The following SLC35F2 variants were observed in gnomAD, a reference collection of about 807,000 sequenced individuals.
SLC35F2 encodes queuine/queuosine transporter SLC35F2.
Under a neutral mutation model 38.1 loss-of-function variants are expected in SLC35F2, and 25 were observed. The ratio of observed to expected loss-of-function variants is 0.66; its 90% CI spans 0.48 to 0.92. The LOEUF (loss-of-function observed/expected upper bound fraction) is 0.92, where lower values mean the gene tolerates loss of function less well. Among genes scored for constraint, SLC35F2 ranks in the 40% least tolerant of loss-of-function variants. The pLI is 0.00. For missense variants in SLC35F2, 409 were observed against 452.9 expected (o/e 0.90, Z 0.88); for synonymous variants, 173 against 181.7 (o/e 0.95, Z 0.38).
intron 1 of SLC35F2, among the ~76,000 whole-genome samples, chr11:107,818,169 C>T (rs551948595): frequency 3.4e-4 from 51 of 151,956 alleles, no homozygotes; most frequent in African/African-American, 1.1e-3. Context: ...TAGTGGCTCA[C>T]GCCTGTAATC....
chr11:107,795,475 T>C (rs562805331), intron 7 of SLC35F2, among the ~76,000 whole-genome samples: 33 of 152,304 alleles, frequency 2.2e-4, no homozygotes, highest in African/African-American at 7.0e-4. Context: ...AATGGGACTA[T>C]ATTAAACTAA....
chr11:107,799,253 A>T (rs1282424910), intron 7 of SLC35F2, among the ~76,000 whole-genome samples: 1 of 152,222 alleles, frequency 6.6e-6, no homozygotes. Flanking sequence ...ACATTCAGGG[A>T]CAAAGGAACA....
chr11:107,795,348 C>A (rs1411646819), intron 7 of SLC35F2, among the ~76,000 whole-genome samples: 1 of 152,038 alleles, frequency 6.6e-6, no homozygotes, highest in Non-Finnish European at 1.5e-5. Context: ...AAATATAAGA[C>A]CCAAAACTAT....
chr11:107,819,918 G>A (rs982616868), intron 1 of SLC35F2, among the ~76,000 whole-genome samples: 4 of 152,100 alleles, frequency 2.6e-5, no homozygotes, highest in Non-Finnish European at 5.9e-5. Flanking sequence ...CATACTGTCC[G>A]TAAAAGGCAG....
Position 107,791,398 on chromosome 11 carries a change from C to G in SLC35F2, c.*1217G>C, listed in dbSNP as rs1397284956. 1.3e-5 allele frequency: 2 copies of G among 152,038 alleles called. No homozygotes were observed. Among genetic ancestry groups the G allele is most frequent in the East Asian group, 3.9e-4 (2 of 5,190 alleles). 9.4% of individuals were successfully genotyped at this position (152,038 alleles called of 1,614,324 possible). On this transcript the variant is annotated 3_prime_UTR_variant, in exon 8 of 8. Transcript: ENST00000525815. ...ATAAAATGAGATCAATAGGAATATTCCAGGAGGTCGTGAGAAGTTTTTAGA... is the reference window on the plus strand; with the variant it reads ...ATAAAATGAGATCAATAGGAATATTGCAGGAGGTCGTGAGAAGTTTTTAGA...
intron 7 of SLC35F2, among the ~76,000 whole-genome samples, chr11:107,801,892 T>G (rs1859315603): frequency 1.3e-5 from 2 of 152,152 alleles, no homozygotes; most frequent in Admixed American, 1.3e-4. Flanking sequence ...TGACTAAGGG[T>G]AAGTCACTGA....
At chr11:107,808,878 A>G (rs1859437968) in intron 3 of SLC35F2, among the ~76,000 whole-genome samples, 1 of 152,246 alleles carries the variant, frequency 6.6e-6, no homozygotes, top group Non-Finnish European at 1.5e-5. Flanking sequence ...AAAAAGTAGA[A>G]AAAGACATTC....
intron 1 of SLC35F2, among the ~76,000 whole-genome samples, chr11:107,820,996 C>T (rs1231220730): frequency 1.3e-5 from 2 of 152,062 alleles, no homozygotes; most frequent in African/African-American, 4.8e-5. Flanking sequence ...ATCCCTGTAC[C>T]TCGCCTTGCT....
rs559080873 is a variant in SLC35F2, at chr11:107,791,233, A to T, written c.*1382T>A. ...TTTTAACAGCTGGAGGCTCCCAGGC[A>T]TACTCTTTGGTGAGAAATGATTAAT... On this transcript the variant is annotated 3_prime_UTR_variant, in exon 8 of 8. Coordinates refer to ENST00000525815, the MANE Select transcript of SLC35F2 (RefSeq NM_017515.5). The T allele has an allele frequency of 1.3e-5, 2 of 152,756 alleles. No individual in the cohort carries two copies. Among genetic ancestry groups the T allele is most frequent in the South Asian group, 4.1e-4 (2 of 4,826 alleles). The allele number at this position is 152,756 out of a possible 1,614,324, so 9.5% of individuals were successfully genotyped here.
At chr11:107,848,703 ATT>A (rs1229824641) in intron 1 of SLC35F2, among the ~76,000 whole-genome samples, 1 of 152,182 alleles carries the variant, frequency 6.6e-6, no homozygotes, top group Non-Finnish European at 1.5e-5. Context: ...GTACAGTATT[ATT>A]GTTATTAATC....
At chr11:107,833,754 T>C (rs1859887771) in intron 1 of SLC35F2, among the ~76,000 whole-genome samples, 1 of 152,158 alleles carries the variant, frequency 6.6e-6, no homozygotes, top group Admixed American at 6.5e-5. Flanking sequence ...GCCAAAGAGA[T>C]GGCTAACGCT....
In SLC35F2 at chr11:107,858,638, AGCACGCCCCTT is replaced by A. The variant is rs1860337478; in HGVS notation, c.110+9_110+19del. Reference sequence around the variant, plus strand: ...CGCCCCCACGCCCCAGCGGAGCTGCAGCACGCCCCTTCCACTCACCAGGTGAAGAGTTTGCC... The same window carrying A: ...CGCCCCCACGCCCCAGCGGAGCTGCACCACTCACCAGGTGAAGAGTTTGCC... On this transcript the variant is annotated intron_variant, in intron 1 of 7. Transcript: ENST00000525815. 2.3e-6 allele frequency: 3 copies of A among 1,277,308 alleles called. No homozygotes were observed. The East Asian group carries it at 8.8e-5, about 37-fold the overall frequency. The allele number at this position is 1,277,308 out of a possible 1,614,324, so 79.1% of individuals were successfully genotyped here.
chr11:107,817,497 C>A (rs939195025), intron 1 of SLC35F2, among the ~76,000 whole-genome samples: 20 of 152,056 alleles, frequency 1.3e-4, no homozygotes, highest in African/African-American at 4.8e-4. Context: ...AGTCTCCACA[C>A]TGCAGCAGGA....
At chr11:107,802,882 T>A in intron 7 of SLC35F2, 119 bp downstream of exon 7, 1 of 1,006,880 alleles carries the variant, frequency 9.9e-7, no homozygotes, top group South Asian at 1.8e-5. Context: ...GCCTGACCAA[T>A]GAAATTCTTG....
chr11:107,812,992 T>C (rs112857062), intron 2 of SLC35F2, among the ~76,000 whole-genome samples: 2,568 of 152,296 alleles, frequency 0.017, 72 homozygotes, highest in African/African-American at 0.059. Flanking sequence ...TTCAAATTAA[T>C]TGGATTCACT....
intron 1 of SLC35F2, among the ~76,000 whole-genome samples, chr11:107,835,520 T>C (rs992476858): frequency 1.2e-4 from 18 of 152,092 alleles, no homozygotes; most frequent in African/African-American, 4.1e-4. Flanking sequence ...CATTGCAGCC[T>C]CCTGGGCTCA....
At chr11:107,811,613 G>C (rs997244128) in intron 3 of SLC35F2, 54 bp downstream of exon 3, 21 of 1,520,298 alleles carry the variant, frequency 1.4e-5, no homozygotes, top group Non-Finnish European at 1.8e-5. Context: ...ATATGACTTC[G>C]TGTTCTTCTT....
At position 107,839,828 on chromosome 11, in the gene SLC35F2, T is replaced by A. The variant is rs1008086596; in HGVS notation, c.110+18830A>T. On this transcript the variant is annotated intron_variant, in intron 1 of 7. Coordinates refer to ENST00000525815, the MANE Select transcript of SLC35F2 (RefSeq NM_017515.5). ...GCCACCACGCCTGGCTAATTTTGTATTTTTAGTAGATATGGGGTTTCTGCA... is the reference window on the plus strand; with the variant it reads ...GCCACCACGCCTGGCTAATTTTGTAATTTTAGTAGATATGGGGTTTCTGCA... Among the ~76,000 whole-genome samples the A allele has an allele frequency of 1.3e-4, 20 of 152,108 alleles. 1 individual carries two copies. The highest frequency in any genetic ancestry group is 4.3e-4 in the African/African-American group (18 of 41,412).
intron 1 of SLC35F2, among the ~76,000 whole-genome samples, chr11:107,846,924 T>C (rs1487343638): frequency 1.1e-5 from 1 of 89,264 alleles, no homozygotes; most frequent in Non-Finnish European, 2.4e-5. Flanking sequence ...AGCGAGACTC[T>C]GTCTCAAAAA....
Sources: allele counts gnomAD v4.1 joint callset (sites outside exome capture counted in the v4.1 genomes callset), GRCh38; gene constraint gnomAD v4.1.1; transcripts MANE v1.5; gene names NCBI Gene and HGNC (gene_info 2026-07-23, HGNC 2026-07-21).